Variants in ALLC observed in about 807,000 individuals in gnomAD.
The protein encoded by ALLC is allantoicase, also known as probable inactive allantoicase.
ALLC carries 40 observed loss-of-function variants against 45.0 expected under a neutral mutation model. That is an observed-to-expected ratio of 0.89 (90% CI 0.69 to 1.16). ALLC has a LOEUF of 1.16. Among genes scored for constraint, ALLC ranks in the 50% most tolerant of loss-of-function variants. ALLC has a pLI of 0.00. For missense variants in ALLC, 488 were observed against 493.1 expected (o/e 0.99, Z 0.10); for synonymous variants, 176 against 178.1 (o/e 0.99, Z 0.09).
the ALLC span, among the ~76,000 whole-genome samples, chr2:3,647,430 G>T: frequency 2.6e-5 from 4 of 152,022 alleles, no homozygotes; most frequent in Non-Finnish European, 5.9e-5. Context: ...CTGCCCATGG[G>T]GCCTGCCTGC....
At chr2:3,673,987 T>G in intron 2 of ALLC, 88 bp from the exon 3 acceptor site, 1 of 1,026,416 alleles carries the variant, frequency 9.7e-7, no homozygotes, top group East Asian at 2.6e-5. Context: ...TCTTTTTACT[T>G]CATCTCATAA....
intron 10 of ALLC, among the ~76,000 whole-genome samples, chr2:3,700,738 C>T (rs1455972520): frequency 2.0e-5 from 3 of 152,152 alleles, no homozygotes; most frequent in African/African-American, 7.2e-5. Flanking sequence ...TACTTGCATC[C>T]TTTGTGTCCG....
chr2:3,671,733 G>C (rs1270834857), intron 2 of ALLC, among the ~76,000 whole-genome samples: 166 of 125,968 alleles, frequency 1.3e-3, no homozygotes, highest in African/African-American at 4.6e-3. Context: ...CTGGTTAGAT[G>C]GGAGGTCCTC....
Position 3,701,552 on chromosome 2 carries a change from G to C in ALLC, c.891G>C (p.Leu297=). 1 of 1,572,738 alleles carries C rather than the reference G, an allele frequency of 6.4e-7. No homozygotes were observed. The highest frequency in any genetic ancestry group is 1.1e-5 in the South Asian group (1 of 87,992). ...PDSCKVDGCI[L]TTQEEEAVIR... is the part of the protein sequence containing the mutation. ...GCTGTAAAGTGGATGGGTGCATCCT[G>C]ACAACTCAGGAAGAAGAAGCCGTGA... is the stretch of plus-strand genomic sequence containing the variant. The change falls in exon 11 of 12, where the codon CTG becomes CTC. Residue 297 remains leucine (L), a synonymous_variant. Transcript: ENST00000252505.
At chr2:3,691,779 A>G (rs764240730) in intron 7 of ALLC, among the ~76,000 whole-genome samples, 2 of 152,058 alleles carry the variant, frequency 1.3e-5, no homozygotes, top group Admixed American at 1.3e-4. Flanking sequence ...GTAATATTTT[A>G]TATCTTGTAA....
At chr2:3,650,841 C>G in the ALLC span, among the ~76,000 whole-genome samples, 2 of 152,224 alleles carry the variant, frequency 1.3e-5, no homozygotes, top group East Asian at 3.8e-4. Flanking sequence ...CGGGGCCTTT[C>G]TTTGTACCTG....
chr2:3,673,396 T>C, intron 2 of ALLC, among the ~76,000 whole-genome samples: 1 of 152,196 alleles, frequency 6.6e-6, no homozygotes, highest in East Asian at 1.9e-4. Context: ...ACATCAGGTC[T>C]TCCCTCTGCT....
chr2:3,697,006 T>A (rs1489098861), intron 9 of ALLC, among the ~76,000 whole-genome samples: 2 of 152,188 alleles, frequency 1.3e-5, no homozygotes, highest in African/African-American at 4.8e-5. Context: ...CAACAAAATA[T>A]GTACCTTAAA....
In ALLC at chr2:3,659,239, TG is replaced by T. The variant is rs1273591782; in HGVS notation, c.-63+946del. ...GTCAGAGGGAGGTCTCTCTTTCTTG[TG>T]CTTCCTAGACTTGCCTGGTCATGCC... On this transcript the variant is annotated intron_variant, in intron 1 of 11. Coordinates refer to ENST00000252505, the MANE Select transcript of ALLC (RefSeq NM_018436.4). Among the ~76,000 whole-genome samples, 6 of 152,182 alleles carry T rather than the reference TG, an allele frequency of 3.9e-5. No individual in the cohort carries two copies. The East Asian group carries it at 1.2e-3, about 29-fold the overall frequency.
the ALLC span, among the ~76,000 whole-genome samples, chr2:3,647,135 C>G: frequency 6.6e-6 from 1 of 152,172 alleles, no homozygotes; most frequent in African/African-American, 2.4e-5. Context: ...GGGCCCCAGA[C>G]AGGCTGCAGG....
At chr2:3,699,703 GAGATTGTATCTCCC>G (rs1053093206) in intron 10 of ALLC, among the ~76,000 whole-genome samples, 20 of 152,052 alleles carry the variant, frequency 1.3e-4, no homozygotes, top group African/African-American at 4.8e-4. Context: ...TTCTGACTGG[GAGATTGTATCTCCC>G]AGTGGTTTTG....
the ALLC span, among the ~76,000 whole-genome samples, chr2:3,649,011 C>T: frequency 6.6e-6 from 1 of 152,144 alleles, no homozygotes; most frequent in Non-Finnish European, 1.5e-5. Flanking sequence ...AGCCTGGGTG[C>T]CAGGCAGTGG....
chr2:3,667,020 G>C (rs1400682112), intron 1 of ALLC, among the ~76,000 whole-genome samples: 4 of 152,170 alleles, frequency 2.6e-5, no homozygotes, highest in Non-Finnish European at 5.9e-5. Context: ...CCTAGGTGTG[G>C]CCACTGGCTT....
chr2:3,697,942 G>A (rs560557956), intron 10 of ALLC, among the ~76,000 whole-genome samples: 2 of 151,322 alleles, frequency 1.3e-5, no homozygotes, highest in South Asian at 2.1e-4. Flanking sequence ...TGGGATTACA[G>A]GCCTGAGCCA....
intron 10 of ALLC, among the ~76,000 whole-genome samples, chr2:3,698,499 A>AGGCAGTGGT (rs931714575): frequency 6.6e-6 from 1 of 152,214 alleles, no homozygotes; most frequent in African/African-American, 2.4e-5. Context: ...TTCACTTTTA[A>AGGCAGTGGT]GGCAGTGGTT....
At chr2:3,684,878 T>A (rs911975655) in intron 7 of ALLC, among the ~76,000 whole-genome samples, 6 of 152,176 alleles carry the variant, frequency 3.9e-5, no homozygotes, top group Admixed American at 3.3e-4. Flanking sequence ...ATGCAATGAA[T>A]AATAATCACA....
rs375820203 is a variant in ALLC, at chr2:3,695,922, C to G, written c.667+50C>G. The G allele has an allele frequency of 9.8e-5, 149 of 1,527,326 alleles. 1 individual carries two copies. The highest frequency in any genetic ancestry group is 1.2e-4 in the Non-Finnish European group (139 of 1,129,432). 94.6% of individuals were successfully genotyped at this position (1,527,326 alleles called of 1,614,324 possible). On this transcript the variant is annotated intron_variant, in intron 8 of 11. Transcript: ENST00000252505. ...CTTATTTAGGAAGTCTGGGTACCGG[C>G]ATTAAATACCCCAATATGGTCAGAG...
At chr2:3,659,338 C>T (rs1266399806) in intron 1 of ALLC, among the ~76,000 whole-genome samples, 1 of 152,188 alleles carries the variant, frequency 6.6e-6, no homozygotes, top group Non-Finnish European at 1.5e-5. Context: ...AATTTCATGA[C>T]TCTATTTTAG....
intron 7 of ALLC, among the ~76,000 whole-genome samples, chr2:3,692,334 A>G (rs1415944971): frequency 6.6e-6 from 1 of 152,236 alleles, no homozygotes; most frequent in Admixed American, 6.5e-5. Context: ...GGCCACACAT[A>G]AAATGCCCTA....
Sources: gnomAD v4.1 joint callset for allele counts (sites outside exome capture counted in the v4.1 genomes callset) on GRCh38, gnomAD v4.1.1 for gene constraint, MANE v1.5 for transcripts, NCBI Gene and HGNC (gene_info 2026-07-23, HGNC 2026-07-21) for gene names.